Variants in USP22 observed in about 807,000 individuals in gnomAD.
The protein encoded by USP22 is ubiquitin specific peptidase 22, also known as ubiquitin carboxyl-terminal hydrolase 22.
USP22 carries 22 observed loss-of-function variants against 68.1 expected under a neutral mutation model. The ratio of observed to expected loss-of-function variants is 0.32; its 90% confidence interval spans 0.23 to 0.46. USP22 has a LOEUF of 0.46. Among genes scored for constraint, USP22 ranks in the 20% least tolerant of loss-of-function variants. USP22 has a pLI of 1.00. For missense variants in USP22, 433 were observed against 695.8 expected, an observed-to-expected ratio of 0.62 and a Z score of 4.25; for synonymous variants, 279 against 274.2, an observed-to-expected ratio of 1.02 and a Z score of -0.17.
chr17:21,013,812 C>T (rs184775552), intron 6 of USP22, among the ~76,000 whole-genome samples: 26 of 152,294 alleles, frequency 1.7e-4, no homozygotes, highest in South Asian at 4.1e-4. Flanking sequence ...CGGTGGCTCA[C>T]GCCTGTAATC....
chr17:21,007,088 C>G, intron 9 of USP22, 101 bp from the exon 10 acceptor site: 1 of 1,037,408 alleles, frequency 9.6e-7, no homozygotes, highest in Non-Finnish European at 1.4e-6. Context: ...TGTGTTATCT[C>G]TTTTGTATTT....
rs1460629286 is a variant in USP22, at chr17:21,042,784, C to A, written c.52G>T (p.Val18Leu). The A allele has an allele frequency of 3.4e-6, 5 of 1,488,712 alleles. No homozygotes were observed. The African/African-American group carries it at 5.7e-5, about 17-fold the overall frequency. 92.2% of individuals were successfully genotyped at this position (1,488,712 alleles called of 1,614,324 possible). A position where few individuals can be genotyped will look rare whatever the true frequency, so the allele number is the denominator to read the frequency against. ...AGGTGCGAGCAGCCCGGCGGCGCTA[C>A]CGCCAGCTCGGCGTCCATGGCCTCG... ...EGEAMDAELA[V>L]APPGCSHLGS... Residue 18 changes from valine (V) to leucine (L), a missense_variant, in exon 1 of 13, where the codon GTA (valine) becomes TTA (leucine). Transcript: ENST00000261497.
chr17:21,007,851 G>A lies in USP22; in HGVS notation c.1230+19C>T, dbSNP rs951396971. 4 of 1,613,956 alleles carry A rather than the reference G, an allele frequency of 2.5e-6. No homozygotes were observed. In the African/African-American group the frequency reaches 4.0e-5, roughly 16 times the overall value. On this transcript the variant is annotated intron_variant, in intron 9 of 12. Coordinates refer to ENST00000261497, the MANE Select transcript of USP22 (RefSeq NM_015276.2). ...AAAAACTAAGTCTGCCATTAGAGTT[G>A]GCTTTCTGGAAAACTTACTTTGAGA...
intron 10 of USP22, among the ~76,000 whole-genome samples, chr17:21,005,500 A>G (rs1256144637): frequency 6.6e-6 from 1 of 152,106 alleles, no homozygotes; most frequent in Non-Finnish European, 1.5e-5. Flanking sequence ...TATTTACTGC[A>G]TTTTCCTACA....
intron 2 of USP22, among the ~76,000 whole-genome samples, chr17:21,026,803 AT>A (rs576927345): frequency 0.21 from 29,770 of 142,486 alleles, 3,525 homozygotes; most frequent in South Asian, 0.29. Context: ...TGTCTCCACA[AT>A]TTTTTTTTTT....
rs767029519 is a variant in USP22, at chr17:21,007,893, T to C, written c.1207A>G (p.Ile403Val). 2.9e-5 allele frequency: 47 copies of C among 1,614,056 alleles called. No individual in the cohort carries two copies. Among genetic ancestry groups the C allele is most frequent in the Non-Finnish European group, 3.4e-5 (40 of 1,180,040 alleles). Reference sequence around the variant, plus strand: ...ACTTTGAGATGAAAACAGGCTACGATGGGCAGTTTCTTCATAGTGAGCTGC... The same window carrying C: ...ACTTTGAGATGAAAACAGGCTACGACGGGCAGTTTCTTCATAGTGAGCTGC... ...TKQLTMKKLPIVACFHLKRFE... is the reference protein window; with the variant it reads ...TKQLTMKKLPVVACFHLKRFE... Residue 403 changes from isoleucine to valine, a missense_variant, in exon 9 of 13, where the codon ATC (isoleucine) becomes GTC (valine). Ile to Val is a conservative substitution (Grantham distance 29). Transcript: ENST00000261497.
In USP22 at chr17:21,006,959, C is replaced by T. The variant is rs762854437; in HGVS notation, c.1259G>A (p.Arg420Gln). The change falls in exon 10 of 13, where the codon CGG (arginine) becomes CAG (glutamine). Residue 420 changes from arginine to glutamine, a missense_variant. Transcript: ENST00000261497. Reference protein sequence around the residue: ...KRFEHSAKLRRKITTYVSFPL... With the variant: ...KRFEHSAKLRQKITTYVSFPL... ...GAAGGACACATACGTGGTGATCTTC[C>T]GCCGCAGCTTGGCTGAGTGTTCAAA... 1.2e-5 allele frequency: 19 copies of T among 1,607,556 alleles called. 1 individual carries two copies. Among genetic ancestry groups the T allele is most frequent in the South Asian group, 3.3e-5 (3 of 89,828 alleles).
rs759865679 is a variant in USP22 at position 21,008,000 on chromosome 17, C to T, written c.1104-4G>A. ...CAAGTGCTCTGGTCTGGTGAATCTACAGGCGTTCAAAAAAGACAGGAGCGG... is the reference window on the plus strand; with the variant it reads ...CAAGTGCTCTGGTCTGGTGAATCTATAGGCGTTCAAAAAAGACAGGAGCGG... On this transcript the variant is annotated splice_region_variant and splice_polypyrimidine_tract_variant and intron_variant, in intron 8 of 12. Transcript: ENST00000261497. 4 of 1,613,140 alleles carry T rather than the reference C, an allele frequency of 2.5e-6. No homozygotes were observed. Among genetic ancestry groups the T allele is most frequent in the Admixed American group, 3.3e-5 (2 of 59,840 alleles).
At position 21,038,231 on chromosome 17, in the gene USP22, A is replaced by AT. The variant is rs569526990; in HGVS notation, c.171+4433dup. Among the ~76,000 whole-genome samples, 46 of 150,118 alleles carry AT rather than the reference A, an allele frequency of 3.1e-4. 1 individual carries two copies. The highest frequency in any genetic ancestry group is 1.0e-3 in the African/African-American group (41 of 40,746). ...GCAACATAGGGAGACTCAGTCTTTT[A>AT]TTTTTTTTTAATAAATAAATAAATA... On this transcript the variant is annotated intron_variant, in intron 1 of 12. Transcript: ENST00000261497.
intron 8 of USP22, among the ~76,000 whole-genome samples, chr17:21,010,663 C>CA (rs36003717): frequency 0.37 from 39,548 of 107,316 alleles, 5,867 homozygotes; most frequent in African/African-American, 0.44. Context: ...AACTCTGTCT[C>CA]AAAAAAAAAA....
At chr17:21,007,798 CA>C in intron 9 of USP22, 71 bp downstream of exon 9, 1 of 1,580,804 alleles carries the variant, frequency 6.3e-7, no homozygotes, top group Non-Finnish European at 8.6e-7. Flanking sequence ...CACAGCAAAC[CA>C]AAAGGCTGAG....
At chr17:21,040,390 A>G (rs1208695280) in intron 1 of USP22, among the ~76,000 whole-genome samples, 1 of 152,192 alleles carries the variant, frequency 6.6e-6, no homozygotes, top group African/African-American at 2.4e-5. Context: ...CCCCCCAGTC[A>G]GAGGAAAAAG....
intron 12 of USP22, among the ~76,000 whole-genome samples, chr17:21,003,956 A>C (rs1245649763): frequency 6.6e-6 from 1 of 151,970 alleles, no homozygotes; most frequent in Non-Finnish European, 1.5e-5. Context: ...CAGTTAAAAA[A>C]CAACTGCTCT....
Position 21,012,941 on chromosome 17 carries a change from G to A in USP22, c.839-6C>T, listed in dbSNP as rs1223680533. ...CTTCTTCCCATTGTCATCACCTGGAGACAGACCACGGCTCTGGGATTAGTG... is the reference window on the plus strand; with the variant it reads ...CTTCTTCCCATTGTCATCACCTGGAAACAGACCACGGCTCTGGGATTAGTG... On this transcript the variant is annotated splice_region_variant and splice_polypyrimidine_tract_variant and intron_variant, in intron 6 of 12. Transcript: ENST00000261497. The A allele has an allele frequency of 6.8e-6, 11 of 1,613,206 alleles. No homozygotes were observed. In the Admixed American group the frequency reaches 1.7e-4, roughly 24 times the overall value.
chr17:21,022,379 A>T (rs1326921313), intron 2 of USP22, among the ~76,000 whole-genome samples: 1 of 152,118 alleles, frequency 6.6e-6, no homozygotes, highest in African/African-American at 2.4e-5. Flanking sequence ...GTAAAAAGTC[A>T]AAAAAATAAA....
intron 10 of USP22, chr17:21,006,404 A>C (rs1302086773): frequency 6.6e-6 from 1 of 152,244 alleles, no homozygotes; most frequent in African/African-American, 2.4e-5. Flanking sequence ...TTCAAAACAA[A>C]AACAGGGTAT....
chr17:20,999,851 A>T lies in USP22; in HGVS notation c.*3180T>A, dbSNP rs1913498799. ...ATGAAGAGCATACACACCAAGCCAA[A>T]ATACAATAGCACTCAGGTCTATATG... On this transcript the variant is annotated 3_prime_UTR_variant, in exon 13 of 13. Coordinates refer to ENST00000261497, the MANE Select transcript of USP22 (RefSeq NM_015276.2). 6.6e-6 allele frequency: 1 copy of T among 152,254 alleles called. No homozygotes were observed. Among genetic ancestry groups the T allele is most frequent in the Admixed American group, 6.5e-5 (1 of 15,290 alleles). 9.4% of individuals were successfully genotyped at this position (152,254 alleles called of 1,614,324 possible).
Position 21,028,583 on chromosome 17 carries a change from T to C in USP22, c.263A>G (p.Lys88Arg), listed in dbSNP as rs1475571125. Residue 88 changes from lysine to arginine, a missense_variant, in exon 2 of 13, where the codon AAG becomes AGG. Physicochemically the swap from Lys to Arg is conservative, Grantham distance 26. Transcript: ENST00000261497. Reference sequence around the variant, plus strand: ...CGCCTTCGCATGCTCGTGAATATGCTTCTTTGTGAAACAGCCGAAGAAGAC... The same window carrying C: ...CGCCTTCGCATGCTCGTGAATATGCCTCTTTGTGAAACAGCCGAAGAAGAC... ...YCVFFGCFTK[K>R]HIHEHAKAKR... 6.2e-7 allele frequency: 1 copy of C among 1,613,982 alleles called. No individual in the cohort carries two copies. The highest frequency in any genetic ancestry group is 1.7e-5 in the Admixed American group (1 of 59,994).
intron 12 of USP22, among the ~76,000 whole-genome samples, chr17:21,003,309 A>G (rs1372447081): frequency 6.6e-6 from 1 of 151,986 alleles, no homozygotes; most frequent in African/African-American, 2.4e-5. Flanking sequence ...GAGGTCACCC[A>G]TTGCCTCACC....
Sources: gnomAD v4.1 joint callset for allele counts (sites outside exome capture counted in the v4.1 genomes callset) on GRCh38, gnomAD v4.1.1 for gene constraint, MANE v1.5 for transcripts, NCBI Gene and HGNC (gene_info 2026-07-23, HGNC 2026-07-21) for gene names.